Variants in REPS2 observed in about 807,000 individuals in gnomAD.
REPS2 encodes the protein RALBP1 associated Eps domain containing 2, also known as ralBP1-associated Eps domain-containing protein 2.
In REPS2, 23 loss-of-function variants were observed where a neutral mutation model predicts 53.6. That is an observed-to-expected ratio of 0.43 (90% CI 0.31 to 0.61). REPS2 has a LOEUF of 0.61. Among genes scored for constraint, REPS2 ranks in the 20% least tolerant of loss-of-function variants. The pLI is 0.11. For synonymous variants in REPS2, 238 were observed against 218.6 expected (o/e 1.09, Z -0.78); for missense variants, 446 against 534.9 (o/e 0.83, Z 1.64).
At position 17,006,245 on chromosome X, in the gene REPS2, C is replaced by G; in HGVS notation, c.298C>G (p.Arg100Gly). Reference protein sequence around the residue: ...HQITELCGAKRVGYFGPTQFY... With the variant: ...HQITELCGAKGVGYFGPTQFY... ...GATCACAGAACTGTGTGGTGCAAAG[C>G]GGGTTGGTTATTTTGGTCCAACACA... The change falls in exon 2 of 18, where the codon CGG (arginine) becomes GGG (glycine). Residue 100 changes from arginine to glycine, a missense_variant. Physicochemically the swap from Arg to Gly is moderately radical, Grantham distance 125. Coordinates refer to ENST00000357277, the MANE Select transcript of REPS2 (RefSeq NM_004726.3). 8.3e-7 allele frequency: 1 copy of G among 1,210,348 alleles called. No individual in the cohort carries two copies. The highest frequency in any genetic ancestry group is 1.7e-5 in the African/African-American group (1 of 57,738).
intron 12 of REPS2, among the ~76,000 whole-genome samples, chrX:17,075,102 G>A (rs2062361655): frequency 9.0e-6 from 1 of 111,716 alleles, no homozygotes; most frequent in African/African-American, 3.3e-5. Flanking sequence ...ATATTTATGT[G>A]TATTTAAAAA....
At chrX:17,032,787 T>C (rs750845339) in intron 5 of REPS2, among the ~76,000 whole-genome samples, 2 of 112,401 alleles carry the variant, frequency 1.8e-5, no homozygotes, top group East Asian at 5.6e-4. Context: ...ACCCATGGTG[T>C]TGGCATTTTA....
intron 2 of REPS2, among the ~76,000 whole-genome samples, chrX:17,009,580 G>T (rs1352355489): frequency 1.8e-5 from 2 of 110,423 alleles, no homozygotes; most frequent in East Asian, 5.7e-4. Flanking sequence ...TGCCTGGCTA[G>T]TATATATGTC....
intron 14 of REPS2, among the ~76,000 whole-genome samples, chrX:17,124,070 A>T (rs955331867): frequency 8.9e-6 from 1 of 112,636 alleles, no homozygotes; most frequent in Non-Finnish European, 1.9e-5. Flanking sequence ...CACTTTGCAG[A>T]TGAAGAAATT....
At chrX:17,028,306 A>G (rs2061671815) in intron 4 of REPS2, among the ~76,000 whole-genome samples, 1 of 112,248 alleles carries the variant, frequency 8.9e-6, no homozygotes, top group Admixed American at 9.4e-5. Flanking sequence ...GCAGAGCGCA[A>G]TTGGTATTAG....
At chrX:16,985,408 A>G (rs1266200323) in intron 1 of REPS2, among the ~76,000 whole-genome samples, 4 of 111,676 alleles carry the variant, frequency 3.6e-5, no homozygotes, top group Non-Finnish European at 5.6e-5. Flanking sequence ...TTTCTTTCAA[A>G]ACTGTGTTCA....
intron 7 of REPS2, among the ~76,000 whole-genome samples, chrX:17,054,095 G>A (rs528953987): frequency 8.9e-6 from 1 of 112,280 alleles, no homozygotes; most frequent in African/African-American, 3.2e-5. Flanking sequence ...TTTGTGCTGA[G>A]TAAATAGGTC....
chrX:17,068,784 T>C (rs747000229), intron 10 of REPS2, among the ~76,000 whole-genome samples: 48 of 112,614 alleles, frequency 4.3e-4, no homozygotes, highest in African/African-American at 1.5e-3. Flanking sequence ...ATTGAGAACA[T>C]GTTGTGTTTG....
intron 1 of REPS2, among the ~76,000 whole-genome samples, chrX:17,002,758 A>G (rs938428807): frequency 5.4e-5 from 6 of 112,102 alleles, no homozygotes; most frequent in Non-Finnish European, 1.1e-4. Context: ...TGGCTGGAGC[A>G]TCACTGAGGT....
At chrX:17,114,515 T>C (rs1680616488) in intron 14 of REPS2, among the ~76,000 whole-genome samples, 2 of 111,650 alleles carry the variant, frequency 1.8e-5, no homozygotes, top group South Asian at 7.5e-4. Context: ...GGGGAAGTTA[T>C]GCAGTTTTTC....
rs1185481723 is a variant in REPS2 at position 17,050,198 on chromosome X, T to TC, written c.908-2184_908-2183insC. Among the ~76,000 whole-genome samples, 180 of 22,867 alleles carry TC rather than the reference T, an allele frequency of 7.9e-3. 3 individuals are homozygous for TC. The highest frequency in any genetic ancestry group is 0.01 in the Non-Finnish European group (145 of 14,095). 19.9% of individuals were successfully genotyped at this position (22,867 alleles called of 115,157 possible). On this transcript the variant is annotated intron_variant, in intron 6 of 17. Coordinates refer to ENST00000357277, the MANE Select transcript of REPS2 (RefSeq NM_004726.3). ...TCTTTCTTTCTTTCTTTCTTTCTTT[T>TC]TTTTTTTTTTTTGACAGGGTCTTAC...
the REPS2 span, among the ~76,000 whole-genome samples, chrX:17,195,935 T>C: frequency 8.9e-6 from 1 of 112,497 alleles, no homozygotes; most frequent in Non-Finnish European, 1.9e-5. Flanking sequence ...AAATAATAGA[T>C]GCCAACACTC....
intron 6 of REPS2, among the ~76,000 whole-genome samples, chrX:17,050,137 T>TCTTCCTTCCTTCCTTC (rs772334608): frequency 0.027 from 1,316 of 48,846 alleles, 219 homozygotes; most frequent in East Asian, 0.14. Flanking sequence ...TTTCTTCCTT[T>TCTTCCTTCCTTCCTTC]CTTCCTTTCT....
intron 14 of REPS2, among the ~76,000 whole-genome samples, chrX:17,125,010 C>T (rs1443216573): frequency 1.8e-5 from 2 of 109,138 alleles, no homozygotes; most frequent in Non-Finnish European, 3.8e-5. Context: ...ATTACAGGAG[C>T]GTGTCACTAC....
the REPS2 span, among the ~76,000 whole-genome samples, chrX:17,186,348 T>C: frequency 8.9e-6 from 1 of 112,691 alleles, no homozygotes; most frequent in East Asian, 2.8e-4. Flanking sequence ...CTATCCTTTA[T>C]TGAGCAATTC....
chrX:17,140,302 G>T (rs193236949), intron 17 of REPS2, among the ~76,000 whole-genome samples: 111 of 110,085 alleles, frequency 1.0e-3, no homozygotes, highest in African/African-American at 3.3e-3. Context: ...CTCTGAAATG[G>T]CTTTTATAAC....
chrX:17,126,404 T>C (rs1349144414), intron 14 of REPS2, among the ~76,000 whole-genome samples: 2 of 112,669 alleles, frequency 1.8e-5, no homozygotes, highest in Non-Finnish European at 3.7e-5. Context: ...ATATTCTTCC[T>C]TTGTTCCTCT....
chrX:16,961,770 A>G (rs982225789), intron 1 of REPS2, among the ~76,000 whole-genome samples: 2 of 112,282 alleles, frequency 1.8e-5, no homozygotes, highest in Non-Finnish European at 3.8e-5. Context: ...TCAAAAATAT[A>G]TAAGGAACTC....
the REPS2 span, among the ~76,000 whole-genome samples, chrX:17,165,923 T>A: frequency 9.0e-6 from 1 of 111,518 alleles, no homozygotes; most frequent in Non-Finnish European, 1.9e-5. Context: ...ACAAAAGAGA[T>A]GTTCTTGCAT....
Sources: gnomAD v4.1 joint callset for allele counts (sites outside exome capture counted in the v4.1 genomes callset) on GRCh38, gnomAD v4.1.1 for gene constraint, MANE v1.5 for transcripts, NCBI Gene and HGNC (gene_info 2026-07-23, HGNC 2026-07-21) for gene names.